NCAM1: variants seen among roughly 807,000 people sequenced by gnomAD.
NCAM1 encodes neural cell adhesion molecule 1.
Under a neutral mutation model 109.8 loss-of-function variants are expected in NCAM1, and 14 were observed. That is an observed-to-expected ratio of 0.13 (90% CI 0.08 to 0.20). The LOEUF is 0.20. Among genes scored for constraint, NCAM1 ranks in the 10% least tolerant of loss-of-function variants. The pLI, the probability that NCAM1 is intolerant of heterozygous loss-of-function variation, is 1.00. For synonymous variants in NCAM1, 418 were observed against 442.9 expected, an observed-to-expected ratio of 0.94 and a Z score of 0.70; for missense variants, 774 against 1,109.9, an observed-to-expected ratio of 0.70 and a Z score of 4.30.
chr11:113,052,855 C>T lies in NCAM1; in HGVS notation c.52+91191C>T, dbSNP rs116608077. Among the ~76,000 whole-genome samples the T allele has an allele frequency of 4.3e-3, 654 of 152,234 alleles. 5 individuals carry two copies. Among genetic ancestry groups the T allele is most frequent in the African/African-American group, 0.015 (626 of 41,526 alleles). ...CCTGATGCTCTCCCTCCCCTTACCA[C>T]CCACCCCCCGACAGGGCCCGGTGTG... is the stretch of plus-strand genomic sequence containing the variant. On this transcript the variant is annotated intron_variant, in intron 1 of 19. Transcript: ENST00000316851.
chr11:113,232,109 C>G (rs1945027946), intron 10 of NCAM1, 61 bp from the exon 11 acceptor site: 12 of 1,456,306 alleles, frequency 8.2e-6, no homozygotes, highest in Non-Finnish European at 1.1e-5. Context: ...TGCCAGGAGA[C>G]AGGATATGGG....
intron 1 of NCAM1, among the ~76,000 whole-genome samples, chr11:112,976,705 A>C (rs10750018): frequency 0.3 from 45,893 of 151,726 alleles, 7,965 homozygotes; most frequent in East Asian, 0.67. Context: ...GGACTGTTGG[A>C]GAGAAGATCG....
intron 1 of NCAM1, among the ~76,000 whole-genome samples, chr11:112,976,829 A>G (rs1305128221): frequency 6.6e-6 from 1 of 151,922 alleles, no homozygotes; most frequent in Non-Finnish European, 1.5e-5. Flanking sequence ...TCTTAAAACT[A>G]TATCTGTAGA....
chr11:113,233,120 GA>G lies in NCAM1; in HGVS notation c.1523-26del. 1 of 1,603,626 alleles carries G rather than the reference GA, an allele frequency of 6.2e-7. No homozygotes were observed. Among genetic ancestry groups the G allele is most frequent in the African/African-American group, 1.3e-5 (1 of 74,820 alleles). ...GTCTTGGGCCAAACTGGGCTCACCT[GA>G]GTCTCCATATGTGTCTTCCCCACAG... On this transcript the variant is annotated intron_variant, in intron 12 of 19. Coordinates refer to ENST00000316851, the MANE Select transcript of NCAM1 (RefSeq NM_181351.5). This position sits in a 1 kb window ranked among gnomAD's most constrained non-coding sequence, Gnocchi z 4.5.
chr11:112,982,554 A>G (rs1852341309), intron 1 of NCAM1, among the ~76,000 whole-genome samples: 1 of 151,816 alleles, frequency 6.6e-6, no homozygotes, highest in African/African-American at 2.4e-5. Flanking sequence ...GAGCTACTGT[A>G]GAGGCTGTGT....
chr11:113,089,740 C>A (rs1172029306), intron 1 of NCAM1, among the ~76,000 whole-genome samples: 1 of 152,038 alleles, frequency 6.6e-6, no homozygotes, highest in Non-Finnish European at 1.5e-5. Flanking sequence ...AAAAAGCAAC[C>A]GGGGAGGCAT....
intron 1 of NCAM1, among the ~76,000 whole-genome samples, chr11:113,068,124 G>C (rs1938063865): frequency 6.6e-6 from 1 of 152,058 alleles, no homozygotes; most frequent in African/African-American, 2.4e-5. Flanking sequence ...TGTTAGCCAG[G>C]ATGGTCCCGA....
chr11:113,063,870 A>G (rs879981188), intron 1 of NCAM1, among the ~76,000 whole-genome samples: 2 of 147,688 alleles, frequency 1.4e-5, no homozygotes, highest in Non-Finnish European at 2.9e-5. Context: ...GAATATGCCC[A>G]TCATCAGCAT....
At chr11:113,191,698 T>C (rs28603239) in intron 1 of NCAM1, among the ~76,000 whole-genome samples, 1 of 151,166 alleles carries the variant, frequency 6.6e-6, no homozygotes, top group Non-Finnish European at 1.5e-5. Flanking sequence ...AGAAGATAGA[T>C]AGAGATAGAT....
chr11:113,208,001 T>C lies in NCAM1; in HGVS notation c.915T>C (p.Phe305=), dbSNP rs782335430. 8 of 1,606,016 alleles carry C rather than the reference T, an allele frequency of 5.0e-6. No individual in the cohort carries two copies. The highest frequency in any genetic ancestry group is 6.8e-6 in the Non-Finnish European group (8 of 1,176,174). The change falls in exon 7 of 20, where the codon TTT becomes TTC. Residue 305 remains phenylalanine, a splice_region_variant and synonymous_variant. Transcript: ENST00000316851. The part of the protein sequence containing the change: ...EQDATIHLKV[F]AKPKITYVEN... ...ATGCGACCATCCACCTCAAAGTCTTTGGTAGGGGCAGTGGGGGCCCAGGTC... is the reference window on the plus strand; with the variant it reads ...ATGCGACCATCCACCTCAAAGTCTTCGGTAGGGGCAGTGGGGGCCCAGGTC...
intron 1 of NCAM1, among the ~76,000 whole-genome samples, chr11:113,153,791 T>C (rs1942320359): frequency 6.6e-6 from 1 of 152,202 alleles, no homozygotes; most frequent in Non-Finnish European, 1.5e-5. Context: ...ACAGGTTTGA[T>C]CATTGTTTCT....
rs1253797608 is a variant in NCAM1 at position 113,263,497 on chromosome 11, G to T, written c.2131+3174G>T. 11 of 985,628 alleles carry T rather than the reference G, an allele frequency of 1.1e-5. No homozygotes were observed. The African/African-American group carries it at 1.7e-4, about 16-fold the overall frequency. 61.1% of individuals were successfully genotyped at this position (985,628 alleles called of 1,614,324 possible). A position where few individuals can be genotyped will look rare whatever the true frequency, so the allele number is the denominator to read the frequency against. The stretch of plus-strand genomic sequence containing the variant: ...ATGGGCAACTGAAGTCACCCCTGTT[G>T]CCCATGCACTGGAAAAAAAGTTGAA... On this transcript the variant is annotated intron_variant, in intron 17 of 19. Transcript: ENST00000316851.
intron 1 of NCAM1, among the ~76,000 whole-genome samples, chr11:113,099,006 G>C (rs1481169887): frequency 6.6e-6 from 1 of 152,182 alleles, no homozygotes; most frequent in East Asian, 1.9e-4. Flanking sequence ...AGTGACAGTA[G>C]TAAGTCCTGT....
intron 1 of NCAM1, among the ~76,000 whole-genome samples, chr11:113,009,837 A>C (rs1459482308): frequency 6.6e-6 from 1 of 152,152 alleles, no homozygotes; most frequent in Non-Finnish European, 1.5e-5. Flanking sequence ...AGCAATGCTT[A>C]TGTTTTTGTG....
At chr11:113,263,055 A>C in intron 17 of NCAM1, 1 of 1,431,804 alleles carries the variant, frequency 7.0e-7, no homozygotes. Flanking sequence ...TGTGGAAGAG[A>C]AGGTTTTGTG....
chr11:113,206,284 T>C, intron 5 of NCAM1, 104 bp downstream of exon 5: 1 of 1,257,986 alleles, frequency 7.9e-7, no homozygotes. Context: ...AATCCTGTCC[T>C]GACTCAATCA....
At chr11:113,054,531 C>A (rs1302454964) in intron 1 of NCAM1, among the ~76,000 whole-genome samples, 2 of 152,206 alleles carry the variant, frequency 1.3e-5, no homozygotes, top group African/African-American at 4.8e-5. Flanking sequence ...ATAATGGCTA[C>A]ACCTCAGAAA....
chr11:113,159,345 T>C (rs1942522016), intron 1 of NCAM1, among the ~76,000 whole-genome samples: 1 of 152,186 alleles, frequency 6.6e-6, no homozygotes, highest in African/African-American at 2.4e-5. Flanking sequence ...AATAATTCAC[T>C]TTTTTGTGTG....
At chr11:113,245,428 C>T (rs1379793152) in intron 14 of NCAM1, among the ~76,000 whole-genome samples, 7 of 152,146 alleles carry the variant, frequency 4.6e-5, no homozygotes, top group African/African-American at 1.7e-4. Flanking sequence ...GGTGATGAAA[C>T]GAGACCGTTT....
Sources: gnomAD v4.1 joint callset for allele counts (sites outside exome capture counted in the v4.1 genomes callset) on GRCh38, gnomAD v4.1.1 for gene constraint, Gnocchi (gnomAD v3.1) non-coding constraint, MANE v1.5 for transcripts, NCBI Gene and HGNC (gene_info 2026-07-23, HGNC 2026-07-21) for gene names.